The following NOX1 variants were observed in gnomAD, a reference collection of about 807,000 sequenced individuals.
The protein encoded by NOX1 is NADPH oxidase 1, also known as NADH/NADPH mitogenic oxidase subunit P65-MOX.
NOX1 carries 34 observed loss-of-function variants against 42.5 expected under a neutral mutation model. That is an observed-to-expected ratio of 0.80 (90% CI 0.61 to 1.07). The LOEUF (loss-of-function observed/expected upper bound fraction) is 1.07, where lower values mean the gene tolerates loss of function less well. Among genes scored for constraint, NOX1 ranks in the 50% least tolerant of loss-of-function variants. NOX1 has a pLI of 0.00. For missense variants in NOX1, 408 were observed against 427.0 expected, an observed-to-expected ratio of 0.96 and a Z score of 0.39; for synonymous variants, 143 against 152.5, an observed-to-expected ratio of 0.94 and a Z score of 0.46.
At chrX:100,862,099 T>G (rs2085207048) in intron 7 of NOX1, 72 bp downstream of exon 7, 14 of 1,052,895 alleles carry the variant, frequency 1.3e-5, no homozygotes, top group African/African-American at 1.9e-5. Flanking sequence ...ATAATAACAA[T>G]AAGAGTAATA....
Position 100,843,458 on chromosome X carries a change from G to A in NOX1, c.*494C>T, listed in dbSNP as rs756597295. ...GGTGTTATATGGGGATGGGGTTCTC[G>A]GTAATTTTGTTTATTATTTATGTTT... On this transcript the variant is annotated 3_prime_UTR_variant, in exon 13 of 13. Transcript: ENST00000372966. 12 of 1,095,040 alleles carry A rather than the reference G, an allele frequency of 1.1e-5. No individual in the cohort carries two copies. Among genetic ancestry groups the A allele is most frequent in the South Asian group, 5.0e-5 (2 of 40,115 alleles). 90.2% of individuals were successfully genotyped at this position (1,095,040 alleles called of 1,213,427 possible).
In NOX1 at chrX:100,843,441, A is replaced by G; in HGVS notation, c.*511T>C. 1 of 1,118,388 alleles carries G rather than the reference A, an allele frequency of 8.9e-7. No homozygotes were observed. Among genetic ancestry groups the G allele is most frequent in the Non-Finnish European group, 1.2e-6 (1 of 854,602 alleles). The allele number at this position is 1,118,388 out of a possible 1,213,427, so 92.2% of individuals were successfully genotyped here. A position where few individuals can be genotyped will look rare whatever the true frequency, so the allele number is the denominator to read the frequency against. ...TAAACATGTACACTGTTGGTGTTATATGGGGATGGGGTTCTCGGTAATTTT... is the reference window on the plus strand; with the variant it reads ...TAAACATGTACACTGTTGGTGTTATGTGGGGATGGGGTTCTCGGTAATTTT... On this transcript the variant is annotated 3_prime_UTR_variant, in exon 13 of 13. Coordinates refer to ENST00000372966, the MANE Select transcript of NOX1 (RefSeq NM_007052.5).
chrX:100,873,980 T>G, intron 1 of NOX1, 115 bp downstream of exon 1: 1 of 523,317 alleles, frequency 1.9e-6, no homozygotes. Context: ...CTGGTCTTGA[T>G]GAGCCCAATA....
chrX:100,860,101 G>T (rs1602389223), intron 7 of NOX1, among the ~76,000 whole-genome samples: 1 of 110,664 alleles, frequency 9.0e-6, no homozygotes, highest in East Asian at 2.8e-4. Flanking sequence ...TCTACACACT[G>T]CCCTGCCTTT....
chrX:100,871,032 G>A (rs1172172033), intron 1 of NOX1, among the ~76,000 whole-genome samples: 1 of 112,350 alleles, frequency 8.9e-6, no homozygotes. Context: ...TCAGCAAACT[G>A]AGGCCCATGG....
rs1380659864 is a variant in NOX1, at chrX:100,863,536, G to C, written c.201C>G (p.Ile67Met). 8 of 1,211,080 alleles carry C rather than the reference G, an allele frequency of 6.6e-6. No homozygotes were observed. Among genetic ancestry groups the C allele is most frequent in the Non-Finnish European group, 7.8e-6 (7 of 895,462 alleles). ...ALCLNFNSTL[I>M]LLPVCRNLLS... ...GCAGATTGCGACACACAGGAAGCAG[G>C]ATCAGCGTGCTGTTAAAATTCAAGC... Residue 67 changes from isoleucine (I) to methionine (M), a missense_variant, in exon 3 of 13, where the codon ATC (isoleucine) becomes ATG (methionine). By Grantham distance (10) the Ile-to-Met change is conservative (BLOSUM62 1). Transcript: ENST00000372966.
At chrX:100,854,408 C>T (rs374371650) in intron 7 of NOX1, among the ~76,000 whole-genome samples, 2 of 111,222 alleles carry the variant, frequency 1.8e-5, no homozygotes, top group Non-Finnish European at 1.9e-5. Context: ...GAGTATTACA[C>T]GACCAACCAA....
intron 2 of NOX1, among the ~76,000 whole-genome samples, chrX:100,870,104 G>A (rs1237301544): frequency 9.6e-6 from 1 of 104,001 alleles, no homozygotes. Context: ...GTTCATCAAG[G>A]ATATTGGTCT....
intron 7 of NOX1, among the ~76,000 whole-genome samples, chrX:100,853,282 C>CT (rs775067957): frequency 1.6e-5 from 1 of 62,748 alleles, no homozygotes; most frequent in African/African-American, 6.5e-5. Context: ...TTCTTTCTTT[C>CT]TTTCTTTCTT....
rs529273719 is a variant in NOX1, at chrX:100,853,959, G to C, written c.805-2634C>G. ...GGAGTTCGAGACCAGTCTGGTCAAC[G>C]TGGCAAAACCCCGTCTCTACTAAAT... On this transcript the variant is annotated intron_variant, in intron 7 of 12. Coordinates refer to ENST00000372966, the MANE Select transcript of NOX1 (RefSeq NM_007052.5). Among the ~76,000 whole-genome samples, 8 of 111,972 alleles carry C rather than the reference G, an allele frequency of 7.1e-5. No homozygotes were observed. The South Asian group carries it at 3.0e-3, about 42-fold the overall frequency.
intron 7 of NOX1, among the ~76,000 whole-genome samples, chrX:100,853,262 C>T (rs866686190): frequency 0.011 from 233 of 21,168 alleles, 4 homozygotes; most frequent in African/African-American, 0.036. Flanking sequence ...TCCTTCCTTC[C>T]TTTCTTTCTT....
chrX:100,853,253 C>CTTTCTTT (rs1569445424), intron 7 of NOX1, among the ~76,000 whole-genome samples: 5 of 33,401 alleles, frequency 1.5e-4, no homozygotes, highest in Admixed American at 3.2e-4. Context: ...TTCCTTCCTT[C>CTTTCTTT]CTTCCTTCCT....
At position 100,849,288 on chromosome X, in the gene NOX1, T is replaced by C. The variant is rs748055872; in HGVS notation, c.1435A>G (p.Ser479Gly). 2.5e-6 allele frequency: 3 copies of C among 1,210,730 alleles called. No homozygotes were observed. The highest frequency in any genetic ancestry group is 3.5e-5 in the South Asian group (2 of 56,864). ...NYRLFLTGWD[S>G]NIVGHAALNF... is the part of the protein sequence containing the mutation. ...GTGTTATTTGGACTCACAATATTGC[T>C]GTCCCATCCGGTGAGGAAGAGACGG... The change falls in exon 11 of 13, where the codon AGC becomes GGC. Residue 479 changes from serine to glycine, a missense_variant. Transcript: ENST00000372966.
rs934523407 is a variant in NOX1, at chrX:100,862,207, G to A, written c.768C>T (p.His256=). The change falls in exon 7 of 13, where the codon CAC becomes CAT. Residue 256 remains histidine, a synonymous_variant. Transcript: ENST00000372966. ...GCCCTTCAAACTTAGGGCGCCTACA[G>A]TGGGAGTCACGATCATCCCACATCT... ...SFEMWDDRDS[H]CRRPKFEGHP... 1 of 1,210,158 alleles carries A rather than the reference G, an allele frequency of 8.3e-7. No homozygotes were observed. Among genetic ancestry groups the A allele is most frequent in the Non-Finnish European group, 1.1e-6 (1 of 895,118 alleles).
intron 1 of NOX1, 73 bp from the exon 2 acceptor site, chrX:100,870,887 G>T: frequency 1.5e-6 from 1 of 654,672 alleles, no homozygotes; most frequent in Non-Finnish European, 2.4e-6. Context: ...TAAGGGATAG[G>T]GATAGCAATA....
intron 2 of NOX1, among the ~76,000 whole-genome samples, chrX:100,865,532 C>T (rs758331761): frequency 1.6e-4 from 18 of 112,663 alleles, no homozygotes; most frequent in African/African-American, 5.8e-4. Flanking sequence ...TCCTCTGCTG[C>T]TTATCTGCTC....
At chrX:100,863,928 T>C (rs779729252) in intron 2 of NOX1, among the ~76,000 whole-genome samples, 6 of 112,043 alleles carry the variant, frequency 5.4e-5, no homozygotes, top group Non-Finnish European at 1.1e-4. Context: ...TATTATAATT[T>C]TGTTATTTGT....
intron 7 of NOX1, among the ~76,000 whole-genome samples, chrX:100,861,219 G>A (rs183006376): frequency 1.3e-4 from 14 of 111,481 alleles, no homozygotes; most frequent in African/African-American, 4.2e-4. Flanking sequence ...AGTGCAAGGC[G>A]TGAAATGAAG....
At chrX:100,850,649 A>C (rs950012987) in intron 8 of NOX1, among the ~76,000 whole-genome samples, 2 of 112,477 alleles carry the variant, frequency 1.8e-5, no homozygotes, top group Non-Finnish European at 3.7e-5. Context: ...CCAGATTTTT[A>C]AATGTTGGCA....
Sources: allele counts gnomAD v4.1 joint callset (sites outside exome capture counted in the v4.1 genomes callset), GRCh38; gene constraint gnomAD v4.1.1; transcripts MANE v1.5; gene names NCBI Gene and HGNC (gene_info 2026-07-23, HGNC 2026-07-21).